Variants in KCNG2 observed in about 807,000 individuals in gnomAD.
The protein encoded by KCNG2 is voltage-gated potassium channel regulatory subunit KCNG2.
KCNG2 carries 7 observed loss-of-function variants against 12.3 expected under a neutral mutation model. The observed-to-expected ratio is 0.57, with a 90% CI of 0.32 to 1.07. The LOEUF (loss-of-function observed/expected upper bound fraction) is 1.07, where lower values mean the gene tolerates loss of function less well. Ranked by LOEUF, KCNG2 falls within the 50% of genes least tolerant of loss-of-function variation. The pLI is 0.04. For synonymous variants in KCNG2, 414 were observed against 351.4 expected, an observed-to-expected ratio of 1.18 and a Z score of -1.99; for missense variants, 703 against 726.0, an observed-to-expected ratio of 0.97 and a Z score of 0.36.
At chr18:79,855,313 G>T (rs1296492802) in intron 1 of KCNG2, among the ~76,000 whole-genome samples, 2 of 152,084 alleles carry the variant, frequency 1.3e-5, no homozygotes, top group Admixed American at 1.3e-4. Context: ...TTGCTCTGGG[G>T]GCCCGTCCTG....
At chr18:79,864,363 T>G (rs888172883) in intron 3 of KCNG2, 72 bp downstream of exon 3, 350 of 38,862 alleles carry the variant, frequency 9.0e-3, no homozygotes, top group South Asian at 0.018. Flanking sequence ...TGCGGGGAGG[T>G]GGGTGGGGGA....
chr18:79,878,968 G>A (rs28410029), intron 3 of KCNG2, among the ~76,000 whole-genome samples: 25,167 of 152,230 alleles, frequency 0.17, 2,277 homozygotes, highest in East Asian at 0.36. Flanking sequence ...GAATGGGGAC[G>A]ACAATGGGTG....
At chr18:79,828,443 T>C (rs1390105231) in intron 1 of KCNG2, among the ~76,000 whole-genome samples, 1 of 47,318 alleles carries the variant, frequency 2.1e-5, no homozygotes, top group Non-Finnish European at 1.3e-4. Flanking sequence ...TGTGCAAGTG[T>C]GTGGTGTGTG....
chr18:79,825,369 C>A (rs2087605839), intron 1 of KCNG2, among the ~76,000 whole-genome samples: 1 of 152,232 alleles, frequency 6.6e-6, no homozygotes, highest in African/African-American at 2.4e-5. Flanking sequence ...AGTCATCCTA[C>A]AGCTATAAGC....
intron 1 of KCNG2, among the ~76,000 whole-genome samples, chr18:79,828,796 CTGTG>C (rs769129313): frequency 2.1e-4 from 21 of 99,496 alleles, no homozygotes; most frequent in Admixed American, 1.1e-4. Flanking sequence ...GTGCATGTGT[CTGTG>C]TGTGGGTGTC....
At chr18:79,811,843 A>G (rs181671328) in intron 1 of KCNG2, among the ~76,000 whole-genome samples, 2 of 152,332 alleles carry the variant, frequency 1.3e-5, no homozygotes, top group African/African-American at 2.4e-5. Context: ...CTCTGACTGC[A>G]TGGGGTGAAC....
intron 2 of KCNG2, among the ~76,000 whole-genome samples, chr18:79,860,532 T>C (rs1979172792): frequency 6.6e-6 from 1 of 152,266 alleles, no homozygotes; most frequent in Non-Finnish European, 1.5e-5. Context: ...ATTTTATTCT[T>C]TCTGATGCTC....
At chr18:79,898,598 T>C (rs4798925) in intron 3 of KCNG2, among the ~76,000 whole-genome samples, 142,335 of 152,270 alleles carry the variant, frequency 0.93, 67,297 homozygotes, top group East Asian at 1. Flanking sequence ...GGGTCTGTGT[T>C]CGTGGCTGCA....
chr18:79,824,590 T>A (rs2087597880), intron 1 of KCNG2, among the ~76,000 whole-genome samples: 1 of 152,320 alleles, frequency 6.6e-6, no homozygotes, highest in African/African-American at 2.4e-5. Flanking sequence ...CTGATTGCCA[T>A]GGAAATGCCT....
chr18:79,877,730 C>T (rs374127378), intron 3 of KCNG2, among the ~76,000 whole-genome samples: 65 of 152,342 alleles, frequency 4.3e-4, no homozygotes, highest in African/African-American at 1.5e-3. Context: ...GCAGCTGCAG[C>T]CGTGGTTATT....
chr18:79,885,542 C>T (rs1980492978), intron 3 of KCNG2, among the ~76,000 whole-genome samples: 1 of 152,220 alleles, frequency 6.6e-6, no homozygotes, highest in African/African-American at 2.4e-5. Flanking sequence ...GCTCAGAACA[C>T]ACACTCAGCC....
chr18:79,872,815 G>A (rs187292464), intron 3 of KCNG2, among the ~76,000 whole-genome samples: 8 of 152,316 alleles, frequency 5.3e-5, no homozygotes, highest in Admixed American at 1.3e-4. Context: ...AATAATTTAC[G>A]TGCCTTGCTT....
chr18:79,877,042 A>G (rs1337394881), intron 3 of KCNG2, among the ~76,000 whole-genome samples: 1 of 152,224 alleles, frequency 6.6e-6, no homozygotes, highest in Non-Finnish European at 1.5e-5. Context: ...AGGCGAGCAC[A>G]TTCTAGGCAA....
chr18:79,814,705 G>A (rs1474784864), intron 1 of KCNG2, among the ~76,000 whole-genome samples: 1 of 152,082 alleles, frequency 6.6e-6, no homozygotes, highest in African/African-American at 2.4e-5. Context: ...AGGGTACAGG[G>A]GATCCCTTTG....
intron 3 of KCNG2, among the ~76,000 whole-genome samples, chr18:79,867,618 G>A (rs995433696): frequency 2.6e-5 from 4 of 151,728 alleles, no homozygotes; most frequent in Admixed American, 6.6e-5. Context: ...TGAGCTCCGG[G>A]CCCTGGGCCT....
rs369229827 is a variant in KCNG2 at position 79,889,841 on chromosome 18, G to A, written c.625-9199G>A. Reference sequence around the variant, plus strand: ...GAACGGAGGGAGCACGGAGTCTTTCGTTACCATGTGTGATGTTAGCTGTGG... The same window carrying A: ...GAACGGAGGGAGCACGGAGTCTTTCATTACCATGTGTGATGTTAGCTGTGG... On this transcript the variant is annotated intron_variant, in intron 3 of 3. Coordinates refer to ENST00000316249, the MANE Select transcript of KCNG2 (RefSeq NM_012283.2). 7.2e-5 allele frequency among the ~76,000 whole-genome samples: 11 copies of A among 152,324 alleles called. No homozygotes were observed. In the East Asian group the frequency reaches 9.6e-4, roughly 13 times the overall value.
intron 3 of KCNG2, among the ~76,000 whole-genome samples, chr18:79,889,354 G>A (rs1431344274): frequency 6.6e-6 from 1 of 152,170 alleles, no homozygotes; most frequent in African/African-American, 2.4e-5. Flanking sequence ...ATTCCTTTGT[G>A]TGTGGACATC....
At chr18:79,870,298 C>T (rs957057135) in intron 3 of KCNG2, among the ~76,000 whole-genome samples, 1 of 152,240 alleles carries the variant, frequency 6.6e-6, no homozygotes, top group Non-Finnish European at 1.5e-5. Flanking sequence ...CTTCTGTCGT[C>T]TCTGACAGTG....
chr18:79,817,447 T>C (rs938063849), intron 1 of KCNG2, among the ~76,000 whole-genome samples: 1 of 152,208 alleles, frequency 6.6e-6, no homozygotes, highest in African/African-American at 2.4e-5. Flanking sequence ...GGCTGTCACA[T>C]GGTTGTCACA....
Sources: allele counts gnomAD v4.1 joint callset (sites outside exome capture counted in the v4.1 genomes callset), GRCh38; gene constraint gnomAD v4.1.1; transcripts MANE v1.5; gene names NCBI Gene and HGNC (gene_info 2026-07-23, HGNC 2026-07-21).